STPG2: variants seen among roughly 807,000 people sequenced by gnomAD.
STPG2 encodes sperm-tail PG-rich repeat-containing protein 2.
In STPG2, 56 loss-of-function variants were observed where a neutral mutation model predicts 54.2. The ratio of observed to expected loss-of-function variants is 1.03; its 90% CI spans 0.83 to 1.29. STPG2 has a LOEUF of 1.29. Among genes scored for constraint, STPG2 ranks in the 50% most tolerant of loss-of-function variants. The pLI is 0.00. For synonymous variants in STPG2, 200 were observed against 181.8 expected, an observed-to-expected ratio of 1.10 and a Z score of -0.81; for missense variants, 596 against 544.9, an observed-to-expected ratio of 1.09 and a Z score of -0.93.
intron 8 of STPG2, among the ~76,000 whole-genome samples, chr4:97,848,631 A>C (rs1392508971): frequency 6.6e-6 from 1 of 152,232 alleles, no homozygotes; most frequent in Non-Finnish European, 1.5e-5. Context: ...AAAATAAAGA[A>C]GATCTAATGT....
At chr4:97,628,163 G>T (rs1734182418) in intron 10 of STPG2, among the ~76,000 whole-genome samples, 1 of 152,124 alleles carries the variant, frequency 6.6e-6, no homozygotes, top group South Asian at 2.1e-4. Flanking sequence ...ATTCTATTCA[G>T]TGTGTAGTAT....
At chr4:97,453,637 G>C (rs904000427) in intron 4 of STPG2, among the ~76,000 whole-genome samples, 104 of 152,152 alleles carry the variant, frequency 6.8e-4, no homozygotes, top group African/African-American at 2.4e-3. Flanking sequence ...GTCAATTCAG[G>C]CCTCCTGTTT....
chr4:97,694,737 C>T lies in STPG2; in HGVS notation c.1320+17962G>A, dbSNP rs374107111. ...CTGAGGCAGGAGAATGGTGTGAACCCGGGAGGCAGAGCTTGCAGTGAGCCG... is the reference window on the plus strand; with the variant it reads ...CTGAGGCAGGAGAATGGTGTGAACCTGGGAGGCAGAGCTTGCAGTGAGCCG... On this transcript the variant is annotated intron_variant, in intron 10 of 10. Coordinates refer to ENST00000295268, the MANE Select transcript of STPG2 (RefSeq NM_174952.3). Among the ~76,000 whole-genome samples the T allele has an allele frequency of 3.2e-4, 42 of 129,522 alleles. No individual in the cohort carries two copies. The East Asian group carries it at 7.8e-3, about 24-fold the overall frequency. 85.0% of individuals were successfully genotyped at this position (129,522 alleles called of 152,430 possible).
At chr4:97,879,393 G>A (rs1360124717) in intron 8 of STPG2, among the ~76,000 whole-genome samples, 1 of 152,142 alleles carries the variant, frequency 6.6e-6, no homozygotes, top group African/African-American at 2.4e-5. Flanking sequence ...AAGAAAAAGA[G>A]GTTTAATGGA....
At chr4:97,836,446 A>C (rs1188533492) in intron 9 of STPG2, among the ~76,000 whole-genome samples, 1 of 151,940 alleles carries the variant, frequency 6.6e-6, no homozygotes, top group Non-Finnish European at 1.5e-5. Flanking sequence ...CGCACACTTA[A>C]TAGACTATAG....
intron 8 of STPG2, among the ~76,000 whole-genome samples, chr4:97,871,941 A>G (rs1730002731): frequency 6.6e-6 from 1 of 151,146 alleles, no homozygotes; most frequent in Non-Finnish European, 1.5e-5. Context: ...AAAATAATAA[A>G]CCATGAACAA....
chr4:97,785,886 A>T (rs1241696187), intron 9 of STPG2, among the ~76,000 whole-genome samples: 1 of 152,072 alleles, frequency 6.6e-6, no homozygotes, highest in East Asian at 1.9e-4. Flanking sequence ...GAGTATGAGA[A>T]TCAGCAGGGA....
intron 8 of STPG2, among the ~76,000 whole-genome samples, chr4:97,881,592 G>C (rs1031978535): frequency 2.6e-5 from 4 of 152,062 alleles, no homozygotes; most frequent in African/African-American, 9.7e-5. Context: ...ATAATATTCT[G>C]CCTCATTTAC....
intron 3 of STPG2, among the ~76,000 whole-genome samples, chr4:98,122,540 A>G (rs6532719): frequency 0.39 from 59,456 of 152,022 alleles, 11,858 homozygotes; most frequent in Middle Eastern, 0.45. Context: ...CAACTTGATC[A>G]TGGTGGATAA....
intron 7 of STPG2, among the ~76,000 whole-genome samples, chr4:97,956,527 G>A (rs1733681367): frequency 6.6e-6 from 1 of 152,066 alleles, no homozygotes; most frequent in African/African-American, 2.4e-5. Context: ...AGAAAGCTGA[G>A]AGAACACACA....
chr4:97,842,201 A>C (rs1033159412), intron 8 of STPG2, among the ~76,000 whole-genome samples: 1 of 151,854 alleles, frequency 6.6e-6, no homozygotes, highest in Admixed American at 6.6e-5. Flanking sequence ...GGGGATTCTT[A>C]CATGAAAACC....
At chr4:97,458,037 A>G (rs60603678) in intron 4 of STPG2, among the ~76,000 whole-genome samples, 3,466 of 152,316 alleles carry the variant, frequency 0.023, 114 homozygotes, top group African/African-American at 0.078. Flanking sequence ...TTTCTCTTAA[A>G]TCATGTGCAA....
chr4:97,844,032 AC>A (rs1212346684), intron 8 of STPG2, among the ~76,000 whole-genome samples: 1 of 151,314 alleles, frequency 6.6e-6, no homozygotes, highest in Non-Finnish European at 1.5e-5. Context: ...GAGGTATGAA[AC>A]CTCCTGATTT....
At chr4:97,619,824 ATTTT>A (rs113041695) in intron 10 of STPG2, among the ~76,000 whole-genome samples, 1 of 130,320 alleles carries the variant, frequency 7.7e-6, no homozygotes, top group Non-Finnish European at 1.7e-5. Context: ...TTCTTTTTCT[ATTTT>A]TTTTTTTTTT....
intron 9 of STPG2, among the ~76,000 whole-genome samples, chr4:97,793,946 T>C (rs531753899): frequency 4.1e-4 from 63 of 152,194 alleles, no homozygotes; most frequent in African/African-American, 1.4e-3. Flanking sequence ...ATTCATATAC[T>C]TTTCCATATA....
At chr4:97,507,152 C>T (rs1366412423) in intron 4 of STPG2, among the ~76,000 whole-genome samples, 1 of 151,712 alleles carries the variant, frequency 6.6e-6, no homozygotes, top group African/African-American at 2.4e-5. Flanking sequence ...GAGATCCCTT[C>T]TCTAAAAAAA....
At chr4:98,088,591 C>A (rs2110123832) in intron 5 of STPG2, among the ~76,000 whole-genome samples, 1 of 148,568 alleles carries the variant, frequency 6.7e-6, no homozygotes, top group Non-Finnish European at 1.5e-5. Flanking sequence ...CTTATTTTGG[C>A]AGTATTCCTA....
At chr4:98,046,570 A>G (rs1454516004) in intron 5 of STPG2, among the ~76,000 whole-genome samples, 2 of 152,150 alleles carry the variant, frequency 1.3e-5, no homozygotes, top group African/African-American at 4.8e-5. Flanking sequence ...CCAGGAGATT[A>G]GGGTGTGCCA....
At chr4:97,899,690 T>G (rs1731101669) in intron 8 of STPG2, among the ~76,000 whole-genome samples, 1 of 152,074 alleles carries the variant, frequency 6.6e-6, no homozygotes. Context: ...CATCTGATCT[T>G]TAACAAACCT....
Sources: allele counts gnomAD v4.1 joint callset (sites outside exome capture counted in the v4.1 genomes callset), GRCh38; gene constraint gnomAD v4.1.1; transcripts MANE v1.5; gene names NCBI Gene and HGNC (gene_info 2026-07-23, HGNC 2026-07-21).